Variants in HDLBP observed in about 807,000 individuals in gnomAD.
HDLBP encodes the protein vigilin.
HDLBP carries 30 observed loss-of-function variants against 137.3 expected under a neutral mutation model. The ratio of observed to expected loss-of-function variants is 0.22; its 90% CI spans 0.16 to 0.30. The LOEUF is 0.30. Ranked by LOEUF, HDLBP falls within the 10% of genes least tolerant of loss-of-function variation. HDLBP has a pLI of 1.00. For missense variants in HDLBP, 1,119 were observed against 1,667.3 expected (o/e 0.67, Z 5.73); for synonymous variants, 606 against 596.0 (o/e 1.02, Z -0.24).
rs1375475018 is a variant in HDLBP, at chr2:241,256,740, G to A, written c.517C>T (p.Leu173=). Residue 173 remains leucine, a synonymous_variant, in exon 6 of 28, where the codon CTG becomes TTG. Transcript: ENST00000310931. ...GCAGTTTTTAGCTCCAAGTCTTGCA[G>A]TTTCTCTCCATTTTTGCCAATAACA... ...RFVIGKNGEK[L]QDLELKTATK... 1 of 1,614,182 alleles carries A rather than the reference G, an allele frequency of 6.2e-7. No homozygotes were observed. Among genetic ancestry groups the A allele is most frequent in the Non-Finnish European group, 8.5e-7 (1 of 1,180,020 alleles).
intron 16 of HDLBP, among the ~76,000 whole-genome samples, chr2:241,245,898 C>T (rs1044824817): frequency 1.3e-5 from 2 of 152,182 alleles, no homozygotes; most frequent in Non-Finnish European, 2.9e-5. Context: ...GCACAGATTA[C>T]ATATACTGTG....
rs1384636597 is a variant in HDLBP, at chr2:241,249,948, C to T, written c.1405G>A (p.Val469Met). ...NRIKDQYKVS[V>M]RIPPDSEKSN... Reference sequence around the variant, plus strand: ...TTCTCACTGTCAGGAGGGATGCGCACGGACACCTTGTACTGGTCTTTGATT... The same window carrying T: ...TTCTCACTGTCAGGAGGGATGCGCATGGACACCTTGTACTGGTCTTTGATT... Residue 469 changes from valine (V) to methionine (M), a missense_variant, in exon 12 of 28, where the codon GTG becomes ATG. Physicochemically the swap from Val to Met is conservative, Grantham distance 21 (BLOSUM62 1). Transcript: ENST00000310931. 6 of 1,613,026 alleles carry T rather than the reference C, an allele frequency of 3.7e-6. No individual in the cohort carries two copies. Among genetic ancestry groups the T allele is most frequent in the Non-Finnish European group, 4.2e-6 (5 of 1,179,538 alleles).
chr2:241,241,959 G>C (rs931514651), intron 17 of HDLBP, among the ~76,000 whole-genome samples: 1 of 152,168 alleles, frequency 6.6e-6, no homozygotes, highest in African/African-American at 2.4e-5. Flanking sequence ...AGGCTGATCA[G>C]CAAGGGGTGT....
chr2:241,276,378 A>G (rs997705541), intron 1 of HDLBP, among the ~76,000 whole-genome samples: 5 of 152,302 alleles, frequency 3.3e-5, no homozygotes, highest in Middle Eastern at 6.8e-3. Context: ...TGGTTACATT[A>G]TACTGTATTA....
chr2:241,295,351 A>C (rs949468174), intron 1 of HDLBP, among the ~76,000 whole-genome samples: 7 of 152,238 alleles, frequency 4.6e-5, no homozygotes, highest in African/African-American at 1.7e-4. Flanking sequence ...CCATCTAAAG[A>C]GACAGAATGA....
At chr2:241,241,474 G>A (rs1327097255) in intron 17 of HDLBP, among the ~76,000 whole-genome samples, 5 of 149,808 alleles carry the variant, frequency 3.3e-5, no homozygotes, top group South Asian at 2.1e-4. Context: ...GGCTGAGGCA[G>A]GAGAATGGCG....
chr2:241,280,728 T>C (rs1238323633), intron 1 of HDLBP, among the ~76,000 whole-genome samples: 1 of 152,238 alleles, frequency 6.6e-6, no homozygotes, highest in Non-Finnish European at 1.5e-5. Context: ...TTGGGTCACC[T>C]TGGCTAGTTG....
At position 241,272,627 on chromosome 2, in the gene HDLBP, G is replaced by C; in HGVS notation, c.-102-4086C>G. ...GGGGCCGCAGCCTGGGGCCCGGGTG[G>C]GGGCCGCGGCACCCGGGCCCCTCCC... On this transcript the variant is annotated intron_variant, in intron 1 of 27. Coordinates refer to ENST00000310931, the MANE Select transcript of HDLBP (RefSeq NM_005336.6). The surrounding 1 kb of genome is among the most constrained non-coding windows in gnomAD (Gnocchi z 5.6). The C allele has an allele frequency of 9.2e-6, 9 of 978,542 alleles. No individual in the cohort carries two copies. The highest frequency in any genetic ancestry group is 1.1e-5 in the Non-Finnish European group (9 of 825,096). 60.6% of individuals were successfully genotyped at this position (978,542 alleles called of 1,614,324 possible).
At chr2:241,298,604 T>C (rs2075274157) in intron 1 of HDLBP, among the ~76,000 whole-genome samples, 1 of 152,190 alleles carries the variant, frequency 6.6e-6, no homozygotes, top group Admixed American at 6.5e-5. Flanking sequence ...ATTTCAAAAG[T>C]ATCTCCCTAC....
At chr2:241,285,340 T>C (rs7585516) in intron 1 of HDLBP, among the ~76,000 whole-genome samples, 121,770 of 152,220 alleles carry the variant, frequency 0.8, 48,879 homozygotes, top group East Asian at 0.95. Context: ...GCAGTGTGCC[T>C]GATGTGCACT....
In HDLBP at chr2:241,306,725, C is replaced by T. The variant is rs1039600140; in HGVS notation, c.-103+8845G>A. 3.3e-5 allele frequency among the ~76,000 whole-genome samples: 5 copies of T among 151,718 alleles called. No homozygotes were observed. The East Asian group carries it at 5.9e-4, about 18-fold the overall frequency. ...GAATTCGAGACCAGCCTGGCCAACA[C>T]GGCAAAACCCTATCTCTACTATTGT... On this transcript the variant is annotated intron_variant, in intron 1 of 27. Coordinates refer to ENST00000310931, the MANE Select transcript of HDLBP (RefSeq NM_005336.6).
At chr2:241,265,313 G>A (rs1008815375) in intron 3 of HDLBP, among the ~76,000 whole-genome samples, 7 of 152,204 alleles carry the variant, frequency 4.6e-5, no homozygotes, top group Non-Finnish European at 7.3e-5. Context: ...AGCTACTCGG[G>A]AGGCTGAGGC....
At chr2:241,247,803 A>G (rs2071795609) in intron 14 of HDLBP, among the ~76,000 whole-genome samples, 200 bp downstream of exon 14, 1 of 152,204 alleles carries the variant, frequency 6.6e-6, no homozygotes, top group African/African-American at 2.4e-5. Flanking sequence ...AGTCTTAACA[A>G]TGACTGCCAA....
At chr2:241,264,391 A>C in intron 4 of HDLBP, 57 bp downstream of exon 4, 4 of 1,343,768 alleles carry the variant, frequency 3.0e-6, no homozygotes, top group Non-Finnish European at 4.1e-6. Context: ...AAAATTTAAA[A>C]ATTTACATAG....
intron 1 of HDLBP, among the ~76,000 whole-genome samples, chr2:241,280,902 C>T (rs2074570249): frequency 6.6e-6 from 1 of 152,234 alleles, no homozygotes; most frequent in African/African-American, 2.4e-5. Context: ...ACTAAACTCA[C>T]TACTTTCCAC....
intron 5 of HDLBP, among the ~76,000 whole-genome samples, chr2:241,258,809 G>T (rs145355565): frequency 1.3e-5 from 2 of 152,206 alleles, no homozygotes; most frequent in South Asian, 2.1e-4. Context: ...AGTATATTTG[G>T]TTGCCTCTCA....
chr2:241,241,766 TAA>T (rs1358601711), intron 17 of HDLBP, among the ~76,000 whole-genome samples: 1 of 152,062 alleles, frequency 6.6e-6, no homozygotes, highest in Non-Finnish European at 1.5e-5. Flanking sequence ...TTAGATCTGT[TAA>T]GTCGAACATA....
chr2:241,256,605 C>T lies in HDLBP; in HGVS notation c.652G>A (p.Glu218Lys), dbSNP rs777752687. The part of the protein sequence containing the change: ...ARHEVLLISA[E>K]QDKRAVERLE... ...GGCACTCACACAGGCCTCACCTGCT[C>T]GGCAGAGATGAGTAAGACTTCATGG... The change falls in exon 6 of 28, where the codon GAG becomes AAG. Residue 218 changes from glutamate to lysine, a missense_variant. By Grantham distance (56) the Glu-to-Lys change is moderately conservative. Around this residue, in one of 4 missense-constraint regions of HDLBP, gnomAD observed 425 missense variants for 693.9 expected, o/e 0.61. Coordinates refer to ENST00000310931, the MANE Select transcript of HDLBP (RefSeq NM_005336.6). 1.9e-6 allele frequency: 3 copies of T among 1,613,588 alleles called. No homozygotes were observed. Among genetic ancestry groups the T allele is most frequent in the Non-Finnish European group, 2.5e-6 (3 of 1,179,972 alleles).
chr2:241,287,313 GT>G (rs2074852131), intron 1 of HDLBP, among the ~76,000 whole-genome samples: 1 of 151,720 alleles, frequency 6.6e-6, no homozygotes, highest in Non-Finnish European at 1.5e-5. Context: ...GTTTCACATT[GT>G]TGGCCAGGCT....
Sources: gnomAD v4.1 joint callset for allele counts (sites outside exome capture counted in the v4.1 genomes callset) on GRCh38, gnomAD v4.1.1 for gene constraint, gnomAD v4.1.1 regional missense constraint, Gnocchi (gnomAD v3.1) non-coding constraint, MANE v1.5 for transcripts, NCBI Gene and HGNC (gene_info 2026-07-23, HGNC 2026-07-21) for gene names.